Variants in B3GALT1 observed in about 807,000 individuals in gnomAD.
The protein encoded by B3GALT1 is UDP-Gal:betaGlcNAc beta 1,3-galactosyltransferase, polypeptide 1.
Under a neutral mutation model 23.2 loss-of-function variants are expected in B3GALT1, and 10 were observed. The ratio of observed to expected loss-of-function variants is 0.43; its 90% CI spans 0.27 to 0.73. The LOEUF (loss-of-function observed/expected upper bound fraction) is 0.73. Among genes scored for constraint, B3GALT1 ranks in the 30% least tolerant of loss-of-function variants. The pLI, the probability that B3GALT1 is intolerant of heterozygous loss-of-function variation, is 0.21. For synonymous variants in B3GALT1, 156 were observed against 141.5 expected (o/e 1.10, Z -0.73); for missense variants, 299 against 405.4 (o/e 0.74, Z 2.25).
chr2:167,698,970 T>C (rs750134852), intron 3 of B3GALT1, among the ~76,000 whole-genome samples: 3 of 152,210 alleles, frequency 2.0e-5, no homozygotes, highest in Non-Finnish European at 4.4e-5. Context: ...GAAGCCACCT[T>C]TAATGTTCAG....
At chr2:167,862,696 A>G (rs1000376584) in intron 4 of B3GALT1, 2 of 152,076 alleles carry the variant, frequency 1.3e-5, no homozygotes, top group African/African-American at 4.8e-5. Context: ...CACACTACCC[A>G]CCCGCTCCTA....
chr2:167,861,264 G>T (rs1690093848), intron 4 of B3GALT1, among the ~76,000 whole-genome samples: 2 of 152,318 alleles, frequency 1.3e-5, no homozygotes, highest in South Asian at 4.1e-4. Context: ...TGTTTGGTAG[G>T]TTAAGTGTAT....
intron 1 of B3GALT1, among the ~76,000 whole-genome samples, chr2:167,303,347 C>A (rs1696482426): frequency 6.6e-6 from 1 of 152,174 alleles, no homozygotes; most frequent in East Asian, 1.9e-4. Context: ...AGTTTTCATT[C>A]CTCAAATAGG....
rs543777252 is a variant in B3GALT1, at chr2:167,631,852, G to C, written c.-409-15057G>C. Among the ~76,000 whole-genome samples the C allele has an allele frequency of 1.8e-3, 270 of 148,884 alleles. 3 individuals are homozygous for C. The highest frequency in any genetic ancestry group is 3.7e-4 in the Non-Finnish European group (25 of 67,528). ...CCGGGATACATGTGCAGAATGTGCA[G>C]GTTTGTTACATAGGTATACCCGTAC... On this transcript the variant is annotated intron_variant, in intron 2 of 4. Transcript: ENST00000392690.
intron 1 of B3GALT1, among the ~76,000 whole-genome samples, chr2:167,345,293 T>G (rs375374056): frequency 5.3e-5 from 8 of 152,184 alleles, no homozygotes; most frequent in African/African-American, 1.9e-4. Context: ...GGTGGCCTGG[T>G]TAATTTTCAT....
intron 3 of B3GALT1, among the ~76,000 whole-genome samples, chr2:167,807,094 A>G (rs1430934101): frequency 6.6e-6 from 1 of 151,944 alleles, no homozygotes; most frequent in African/African-American, 2.4e-5. Context: ...TTTCTAGTTT[A>G]TTTGCGTAGA....
intron 2 of B3GALT1, among the ~76,000 whole-genome samples, chr2:167,552,573 T>TA (rs1254494496): frequency 1.3e-5 from 2 of 152,222 alleles, no homozygotes; most frequent in African/African-American, 4.8e-5. Context: ...AGTGTAGGTA[T>TA]ATGTTATTGT....
At chr2:167,549,205 A>T (rs946417404) in intron 2 of B3GALT1, among the ~76,000 whole-genome samples, 1 of 152,220 alleles carries the variant, frequency 6.6e-6, no homozygotes, top group African/African-American at 2.4e-5. Context: ...ATAGCAATGC[A>T]CGTATGTATG....
At chr2:167,418,123 C>T (rs749762334) in intron 1 of B3GALT1, among the ~76,000 whole-genome samples, 1 of 152,152 alleles carries the variant, frequency 6.6e-6, no homozygotes, top group Non-Finnish European at 1.5e-5. Flanking sequence ...TGTTATGCTC[C>T]TTCGTTTGAA....
chr2:167,767,665 G>A (rs867517918), intron 3 of B3GALT1, among the ~76,000 whole-genome samples: 50 of 152,116 alleles, frequency 3.3e-4, no homozygotes, highest in Admixed American at 2.2e-3. Flanking sequence ...TGTCAGGTAC[G>A]GAAGAAATCT....
Position 167,869,330 on chromosome 2 carries a change from C to T in B3GALT1, c.291C>T (p.Ile97=). The stretch of plus-strand genomic sequence containing the variant: ...AGGAATTTGATGCCCGTCAGGCAAT[C>T]AGAGAGACGTGGGGGGATGAGAACA... ...THKEFDARQA[I]RETWGDENNF... Residue 97 remains isoleucine (I), a synonymous_variant, in exon 5 of 5, where the codon ATC becomes ATT. Coordinates refer to ENST00000392690, the MANE Select transcript of B3GALT1 (RefSeq NM_020981.4). This position sits in a 1 kb window ranked among gnomAD's most constrained non-coding sequence, Gnocchi z 6.4. The T allele has an allele frequency of 6.2e-7, 1 of 1,614,136 alleles. No individual in the cohort carries two copies. Among genetic ancestry groups the T allele is most frequent in the Non-Finnish European group, 8.5e-7 (1 of 1,180,024 alleles).
At chr2:167,657,256 G>C (rs2105469349) in intron 3 of B3GALT1, among the ~76,000 whole-genome samples, 1 of 152,200 alleles carries the variant, frequency 6.6e-6, no homozygotes, top group East Asian at 1.9e-4. Flanking sequence ...TGAAGAATAA[G>C]ATCTAGGGAA....
At chr2:167,584,470 A>C (rs1684551670) in intron 2 of B3GALT1, among the ~76,000 whole-genome samples, 2 of 152,084 alleles carry the variant, frequency 1.3e-5, no homozygotes, top group South Asian at 4.2e-4. Context: ...ATGAATGGGG[A>C]CTTCTCCCTA....
chr2:167,309,335 CA>C (rs1384212196), intron 1 of B3GALT1, among the ~76,000 whole-genome samples: 2 of 151,864 alleles, frequency 1.3e-5, no homozygotes, highest in Non-Finnish European at 2.9e-5. Context: ...TGTAAAGTTT[CA>C]AATAAATAGC....
At chr2:167,604,271 A>C (rs773226610) in intron 2 of B3GALT1, among the ~76,000 whole-genome samples, 3 of 152,094 alleles carry the variant, frequency 2.0e-5, no homozygotes, top group Non-Finnish European at 2.9e-5. Context: ...AGCTGCCCCC[A>C]TGTGATTATA....
At chr2:167,422,750 T>C (rs930645953) in intron 1 of B3GALT1, among the ~76,000 whole-genome samples, 2 of 152,142 alleles carry the variant, frequency 1.3e-5, no homozygotes, top group African/African-American at 4.8e-5. Flanking sequence ...GGAAATGGCC[T>C]CCACTTCCAG....
chr2:167,363,987 C>T (rs1192332559), intron 1 of B3GALT1, among the ~76,000 whole-genome samples: 2 of 151,714 alleles, frequency 1.3e-5, no homozygotes, highest in Admixed American at 6.6e-5. Flanking sequence ...GGTGAAACCC[C>T]GTCTCTACTA....
At chr2:167,508,169 A>T (rs1418901163) in intron 2 of B3GALT1, among the ~76,000 whole-genome samples, 1 of 152,170 alleles carries the variant, frequency 6.6e-6, no homozygotes, top group Non-Finnish European at 1.5e-5. Flanking sequence ...GAAGGTATGA[A>T]CTTTAGGCGG....
chr2:167,780,794 T>A (rs1292585779), intron 3 of B3GALT1, among the ~76,000 whole-genome samples: 6 of 152,342 alleles, frequency 3.9e-5, no homozygotes, highest in African/African-American at 1.4e-4. Flanking sequence ...TTATTGTATC[T>A]GACAGGCAGC....
Sources: allele counts gnomAD v4.1 joint callset (sites outside exome capture counted in the v4.1 genomes callset), GRCh38; gene constraint gnomAD v4.1.1; non-coding constraint Gnocchi (gnomAD v3.1); transcripts MANE v1.5; gene names NCBI Gene and HGNC (gene_info 2026-07-23, HGNC 2026-07-21).